The following MAF variants were observed in gnomAD, a reference collection of about 807,000 sequenced individuals.
MAF encodes transcription factor Maf.
Under a neutral mutation model 22.0 loss-of-function variants are expected in MAF, and 10 were observed. That is an observed-to-expected ratio of 0.45 (90% confidence interval 0.28 to 0.77). MAF has a LOEUF of 0.77. Ranked by LOEUF, MAF falls within the 30% of genes least tolerant of loss-of-function variation. MAF has a pLI of 0.12. For missense variants in MAF, 544 were observed against 548.4 expected (o/e 0.99, Z 0.08); for synonymous variants, 337 against 255.8 (o/e 1.32, Z -3.03).
chr16:79,559,016 C>T, the MAF span, among the ~76,000 whole-genome samples: 14 of 152,122 alleles, frequency 9.2e-5, no homozygotes, highest in Non-Finnish European at 1.6e-4. Context: ...TAGGATGTGT[C>T]TTTTCAATCT....
At chr16:79,220,951 T>C in the MAF span, among the ~76,000 whole-genome samples, 7 of 152,238 alleles carry the variant, frequency 4.6e-5, no homozygotes, top group African/African-American at 1.4e-4. Context: ...TGCAACTCTC[T>C]TTCCCGTCTG....
chr16:79,304,065 C>T, the MAF span, among the ~76,000 whole-genome samples: 3 of 152,220 alleles, frequency 2.0e-5, no homozygotes, highest in African/African-American at 4.8e-5. Flanking sequence ...TGGGTGGGAA[C>T]CTTGTGGGAC....
chr16:79,396,923 T>C, the MAF span, among the ~76,000 whole-genome samples: 5 of 152,348 alleles, frequency 3.3e-5, no homozygotes, highest in African/African-American at 1.2e-4. Context: ...GCCCTAGCTC[T>C]GCAGTGGCCA....
the MAF span, among the ~76,000 whole-genome samples, chr16:79,524,118 A>G: frequency 6.6e-6 from 1 of 152,176 alleles, no homozygotes; most frequent in Non-Finnish European, 1.5e-5. Context: ...CTGGCATCCA[A>G]CTGCGCCCAT....
chr16:79,518,561 A>G, the MAF span, among the ~76,000 whole-genome samples: 1 of 152,226 alleles, frequency 6.6e-6, no homozygotes, highest in African/African-American at 2.4e-5. Context: ...GTGACCAGCT[A>G]TCTGACTTTG....
At chr16:79,471,048 G>A in the MAF span, among the ~76,000 whole-genome samples, 3 of 152,154 alleles carry the variant, frequency 2.0e-5, no homozygotes, top group East Asian at 3.8e-4. Context: ...CATCATTCTT[G>A]CAGATGTGTG....
chr16:79,277,585 T>C, the MAF span, among the ~76,000 whole-genome samples: 1 of 152,198 alleles, frequency 6.6e-6, no homozygotes, highest in African/African-American at 2.4e-5. Flanking sequence ...CTATTGTATC[T>C]GCTAACAGAG....
chr16:79,599,215 C>T lies in MAF; in HGVS notation c.688G>A (p.Gly230Ser), dbSNP rs1913814726. 3.1e-6 allele frequency: 3 copies of T among 978,384 alleles called. No homozygotes were observed. Among genetic ancestry groups the T allele is most frequent in the Non-Finnish European group, 3.6e-6 (3 of 826,752 alleles). 60.6% of individuals were successfully genotyped at this position (978,384 alleles called of 1,614,324 possible). A position where few individuals can be genotyped will look rare whatever the true frequency, so the allele number is the denominator to read the frequency against. ...CCCCCGCCGCCTCCGCCGCCGCCGC[C>T]GCCGCCGCCGCCCCCAGCGCTGGCC... ...GPASAGGGGG[G>S]GGGGGGGGAA... The change falls in exon 1 of 2, where the codon GGC (glycine) becomes AGC (serine). Residue 230 changes from glycine to serine, a missense_variant. Coordinates refer to ENST00000326043, the MANE Select transcript of MAF (RefSeq NM_005360.5).
chr16:79,266,791 G>T, the MAF span, among the ~76,000 whole-genome samples: 1 of 152,166 alleles, frequency 6.6e-6, no homozygotes, highest in South Asian at 2.1e-4. Flanking sequence ...GGGCTTGGAA[G>T]GCAAGGCACC....
chr16:79,256,954 A>G, the MAF span, among the ~76,000 whole-genome samples: 1 of 152,134 alleles, frequency 6.6e-6, no homozygotes, highest in African/African-American at 2.4e-5. Flanking sequence ...CGAGGCGGGC[A>G]GATCACAAAG....
chr16:79,298,859 A>G, the MAF span, among the ~76,000 whole-genome samples: 1 of 152,220 alleles, frequency 6.6e-6, no homozygotes. Flanking sequence ...AGCAAATGGA[A>G]ACTGTACCAT....
the MAF span, among the ~76,000 whole-genome samples, chr16:79,373,845 G>A: frequency 6.6e-6 from 1 of 152,178 alleles, no homozygotes; most frequent in African/African-American, 2.4e-5. Flanking sequence ...ACTGTAAGAA[G>A]TAAATTCCTT....
chr16:79,545,256 C>G, the MAF span, among the ~76,000 whole-genome samples: 1 of 152,194 alleles, frequency 6.6e-6, no homozygotes, highest in African/African-American at 2.4e-5. Flanking sequence ...TGGACCTCAA[C>G]TTCCCGCAAA....
At chr16:79,281,439 C>G in the MAF span, among the ~76,000 whole-genome samples, 1 of 151,926 alleles carries the variant, frequency 6.6e-6, no homozygotes, top group African/African-American at 2.4e-5. Context: ...TTAAGGTGAG[C>G]CTTGCTTTAA....
the MAF span, among the ~76,000 whole-genome samples, chr16:79,550,449 A>G: frequency 6.6e-6 from 1 of 152,150 alleles, no homozygotes; most frequent in Non-Finnish European, 1.5e-5. Flanking sequence ...CATCACTCCC[A>G]GGTCTTTGAC....
In MAF at chr16:79,594,233, T is replaced by TG. The variant is rs538210497; in HGVS notation, c.*226dup. The TG allele has an allele frequency of 5.2e-5, 28 of 534,950 alleles. No homozygotes were observed. Among genetic ancestry groups the TG allele is most frequent in the Non-Finnish European group, 8.7e-5 (26 of 299,632 alleles). 33.1% of individuals were successfully genotyped at this position (534,950 alleles called of 1,614,324 possible). A position where few individuals can be genotyped will look rare whatever the true frequency, so the allele number is the denominator to read the frequency against. ...GTTGAAAGCAATGCACCTGTTTACT[T>TG]GCACACACCATAAATCGAAAAGCAG... On this transcript the variant is annotated 3_prime_UTR_variant, in exon 2 of 2. Transcript: ENST00000326043.
chr16:79,289,414 C>T, the MAF span, among the ~76,000 whole-genome samples: 139,910 of 152,136 alleles, frequency 0.92, 64,334 homozygotes, highest in East Asian at 1. Flanking sequence ...AAGGGGGACA[C>T]CTAGATGTCT....
At chr16:79,261,724 G>T in the MAF span, among the ~76,000 whole-genome samples, 2 of 152,200 alleles carry the variant, frequency 1.3e-5, no homozygotes, top group Non-Finnish European at 2.9e-5. Context: ...AGAGTGACAG[G>T]TTCAAAGAAT....
At chr16:79,321,105 A>C in the MAF span, among the ~76,000 whole-genome samples, 3 of 152,332 alleles carry the variant, frequency 2.0e-5, no homozygotes, top group Non-Finnish European at 2.9e-5. Flanking sequence ...TCAGTGATGC[A>C]AGGCACAGCT....
Sources: allele counts gnomAD v4.1 joint callset (sites outside exome capture counted in the v4.1 genomes callset), GRCh38; gene constraint gnomAD v4.1.1; transcripts MANE v1.5; gene names NCBI Gene and HGNC (gene_info 2026-07-23, HGNC 2026-07-21).